ETFA: variants seen among roughly 807,000 people sequenced by gnomAD.
ETFA encodes electron transfer flavoprotein subunit alpha, also known as electron transfer flavoprotein subunit alpha, mitochondrial.
A neutral mutation model predicts 46.2 loss-of-function variants in ETFA; 22 were observed. The observed-to-expected ratio is 0.48, with a 90% CI of 0.34 to 0.68. ETFA has a LOEUF of 0.68. ETFA is among the 30% of genes least tolerant of loss of function. The pLI is 0.01. For missense variants in ETFA, 345 were observed against 401.1 expected (o/e 0.86, Z 1.19); for synonymous variants, 131 against 139.9 (o/e 0.94, Z 0.45).
intron 9 of ETFA, among the ~76,000 whole-genome samples, chr15:76,244,573 A>C (rs1446722895): frequency 6.6e-6 from 1 of 151,956 alleles, no homozygotes; most frequent in Non-Finnish European, 1.5e-5. Context: ...TTGAATCAAC[A>C]TTTTCTAGTA....
In ETFA at chr15:76,283,751, C is replaced by G. The variant is rs1240599151; in HGVS notation, c.733+6G>C. 1.9e-6 allele frequency: 3 copies of G among 1,572,450 alleles called. No homozygotes were observed. The South Asian group carries it at 3.3e-5, about 17-fold the overall frequency. On this transcript the variant is annotated splice_donor_region_variant and intron_variant, in intron 8 of 11. Transcript: ENST00000557943. Reference sequence around the variant, plus strand: ...AATATCTTTCTACTAAGGAAAATAACTTTACCTGCAGCATGTAGTTGATCT... The same window carrying G: ...AATATCTTTCTACTAAGGAAAATAAGTTTACCTGCAGCATGTAGTTGATCT...
chr15:76,285,251 C>T (rs1407185304), intron 7 of ETFA, among the ~76,000 whole-genome samples: 1 of 152,152 alleles, frequency 6.6e-6, no homozygotes, highest in South Asian at 2.1e-4. Flanking sequence ...CTCTGGAAAT[C>T]TTTCCAAGTG....
intron 9 of ETFA, chr15:76,261,029 T>A: frequency 6.2e-7 from 1 of 1,601,452 alleles, no homozygotes; most frequent in Non-Finnish European, 8.6e-7. Context: ...TGAAGGGGAC[T>A]GCAGGCAGTG....
At position 76,272,813 on chromosome 15, in the gene ETFA, CATATATAT is replaced by C. The variant is rs71143306; in HGVS notation, c.816+1591_816+1598del. ...AAGACCCTGTCTCTTAAAATATATA[CATATATAT>C]ATATATATATGCGCATGTGTGCTAG... On this transcript the variant is annotated intron_variant, in intron 9 of 11. Coordinates refer to ENST00000557943, the MANE Select transcript of ETFA (RefSeq NM_000126.4). Among the ~76,000 whole-genome samples, 4 of 137,558 alleles carry C rather than the reference CATATATAT, an allele frequency of 2.9e-5. 1 individual carries two copies. The highest frequency in any genetic ancestry group is 8.6e-5 in the African/African-American group (3 of 34,836). 90.2% of individuals were successfully genotyped at this position (137,558 alleles called of 152,430 possible). A position where few individuals can be genotyped will look rare whatever the true frequency, so the allele number is the denominator to read the frequency against.
At chr15:76,259,005 A>G in intron 9 of ETFA, 1 of 1,606,774 alleles carries the variant, frequency 6.2e-7, no homozygotes. Flanking sequence ...ATTGTGTGGC[A>G]GTAGCCCTTG....
intron 11 of ETFA, among the ~76,000 whole-genome samples, chr15:76,217,303 G>T (rs2038906291): frequency 6.6e-6 from 1 of 152,116 alleles, no homozygotes; most frequent in African/African-American, 2.4e-5. Flanking sequence ...CTAGCTTACT[G>T]CAATTATGAC....
intron 9 of ETFA, chr15:76,259,446 C>T (rs1406712312): frequency 3.0e-6 from 3 of 999,412 alleles, no homozygotes; most frequent in African/African-American, 1.6e-5. Flanking sequence ...GTCCTCCATA[C>T]ACTCTGGAAG....
intron 11 of ETFA, among the ~76,000 whole-genome samples, chr15:76,224,004 G>A (rs1387756927): frequency 6.6e-6 from 1 of 152,172 alleles, no homozygotes; most frequent in Non-Finnish European, 1.5e-5. Context: ...TTACTTACAA[G>A]TTTATTAAAA....
At chr15:76,296,172 T>A (rs1021033798) in intron 1 of ETFA, among the ~76,000 whole-genome samples, 1 of 151,890 alleles carries the variant, frequency 6.6e-6, no homozygotes, top group Non-Finnish European at 1.5e-5. Context: ...ATGGTCTCCA[T>A]CTCCTGACCT....
chr15:76,288,895 TCA>T (rs1402152122), intron 4 of ETFA, among the ~76,000 whole-genome samples: 1 of 144,660 alleles, frequency 6.9e-6, no homozygotes, highest in African/African-American at 2.5e-5. Context: ...TCCCCAAGTC[TCA>T]GTTAATTCTT....
At chr15:76,241,843 AT>A (rs148112189) in intron 9 of ETFA, among the ~76,000 whole-genome samples, 17 of 111,160 alleles carry the variant, frequency 1.5e-4, no homozygotes, top group South Asian at 3.2e-4. Flanking sequence ...TGACTATCAA[AT>A]TTTTTTTTTT....
chr15:76,276,678 G>A (rs1289039796), intron 8 of ETFA, among the ~76,000 whole-genome samples: 1 of 151,628 alleles, frequency 6.6e-6, no homozygotes, highest in Non-Finnish European at 1.5e-5. Flanking sequence ...TTTCAGTTTT[G>A]GAGGTTTCTA....
At chr15:76,280,893 T>A (rs1012542775) in intron 8 of ETFA, among the ~76,000 whole-genome samples, 1 of 143,894 alleles carries the variant, frequency 6.9e-6, no homozygotes, top group South Asian at 2.3e-4. Flanking sequence ...CTTCCTCACC[T>A]CCTTCAAACC....
At chr15:76,260,949 G>C in intron 9 of ETFA, 1 of 1,611,142 alleles carries the variant, frequency 6.2e-7, no homozygotes, top group Non-Finnish European at 8.5e-7. Flanking sequence ...CTGCAGCAGG[G>C]CTCGGCCATC....
chr15:76,226,033 AC>A (rs1338091760), intron 10 of ETFA, 104 bp from the exon 11 acceptor site: 2 of 736,500 alleles, frequency 2.7e-6, no homozygotes, highest in Non-Finnish European at 2.4e-6. Context: ...TAAAATGTCT[AC>A]CAAATAAGAT....
intron 4 of ETFA, among the ~76,000 whole-genome samples, chr15:76,289,614 C>T (rs896662287): frequency 2.0e-5 from 3 of 152,142 alleles, no homozygotes; most frequent in Admixed American, 2.0e-4. Context: ...CAACAAGCTG[C>T]CTGCATGGTT....
intron 10 of ETFA, chr15:76,227,964 A>G (rs1054600595): frequency 6.6e-6 from 3 of 455,982 alleles, no homozygotes; most frequent in African/African-American, 6.0e-5. Flanking sequence ...ACAAGTTTCA[A>G]ACGTGAGCCT....
chr15:76,216,365 T>C lies in ETFA; in HGVS notation c.*194A>G. On this transcript the variant is annotated 3_prime_UTR_variant, in exon 12 of 12. Coordinates refer to ENST00000557943, the MANE Select transcript of ETFA (RefSeq NM_000126.4). ...ATTTAAAAAGTTCAAACAATAATTG[T>C]TTGGAACCACAAATAATTAAAAGGA... 1.8e-6 allele frequency: 1 copy of C among 569,468 alleles called. No homozygotes were observed. Among genetic ancestry groups the C allele is most frequent in the South Asian group, 2.3e-5 (1 of 44,422 alleles). 35.3% of individuals were successfully genotyped at this position (569,468 alleles called of 1,614,324 possible). A position where few individuals can be genotyped will look rare whatever the true frequency, so the allele number is the denominator to read the frequency against.
At position 76,299,581 on chromosome 15, in the gene ETFA, C is replaced by T. The variant is rs75618312; in HGVS notation, c.40-3844G>A. Among the ~76,000 whole-genome samples, 309 of 152,310 alleles carry T rather than the reference C, an allele frequency of 2.0e-3. 1 individual carries two copies. The highest frequency in any genetic ancestry group is 3.4e-3 in the Middle Eastern group (1 of 294). On this transcript the variant is annotated intron_variant, in intron 1 of 11. Transcript: ENST00000557943. Reference sequence around the variant, plus strand: ...TACAGGCATGAGCCACTGTGCCTGCCTCCTGATGTTTCTTAAACTGCCAAC... The same window carrying T: ...TACAGGCATGAGCCACTGTGCCTGCTTCCTGATGTTTCTTAAACTGCCAAC...
Sources: allele counts gnomAD v4.1 joint callset (sites outside exome capture counted in the v4.1 genomes callset), GRCh38; gene constraint gnomAD v4.1.1; transcripts MANE v1.5; gene names NCBI Gene and HGNC (gene_info 2026-07-23, HGNC 2026-07-21).